The following XKR9 variants were observed in gnomAD, a reference collection of about 807,000 sequenced individuals.
The protein encoded by XKR9 is XK related 9.
XKR9 carries 32 observed loss-of-function variants against 32.0 expected under a neutral mutation model. That is an observed-to-expected ratio of 1.00 (90% CI 0.76 to 1.34). The LOEUF (loss-of-function observed/expected upper bound fraction) is 1.34, where lower values mean the gene tolerates loss of function less well. Among genes scored for constraint, XKR9 ranks in the 40% most tolerant of loss-of-function variants. The probability of loss-of-function intolerance (pLI) is 0.00; values close to 1 mark genes in which losing one functional copy is unlikely to be tolerated. For synonymous variants in XKR9, 168 were observed against 143.4 expected, an observed-to-expected ratio of 1.17 and a Z score of -1.22; for missense variants, 546 against 429.7, an observed-to-expected ratio of 1.27 and a Z score of -2.39.
At chr8:71,013,017 C>T in the XKR9 span, among the ~76,000 whole-genome samples, 1 of 152,174 alleles carries the variant, frequency 6.6e-6, no homozygotes, top group East Asian at 1.9e-4. Flanking sequence ...ACCCCACCCT[C>T]CTCTTTGGGA....
At chr8:70,776,227 TAC>T (rs1807518441) in intron 2 of XKR9, among the ~76,000 whole-genome samples, 1 of 152,180 alleles carries the variant, frequency 6.6e-6, no homozygotes, top group Non-Finnish European at 1.5e-5. Context: ...TTAATTCTAA[TAC>T]AGTTTCTTTA....
the XKR9 span, among the ~76,000 whole-genome samples, chr8:70,881,245 C>T: frequency 6.6e-6 from 1 of 152,116 alleles, no homozygotes; most frequent in East Asian, 1.9e-4. Context: ...AAAGTAATGT[C>T]AACAAAAGCC....
the XKR9 span, among the ~76,000 whole-genome samples, chr8:70,814,999 T>C: frequency 6.6e-6 from 1 of 152,290 alleles, no homozygotes; most frequent in Admixed American, 6.5e-5. Context: ...TTACAATAGC[T>C]ACAAAAGATA....
chr8:70,671,074 C>T (rs1818699814), intron 1 of XKR9, among the ~76,000 whole-genome samples: 2 of 152,130 alleles, frequency 1.3e-5, no homozygotes, highest in African/African-American at 4.8e-5. Context: ...GGCTTTCACC[C>T]GGGCTGCAGT....
chr8:70,927,326 C>CGGGCAGCTAAG, the XKR9 span, among the ~76,000 whole-genome samples: 1 of 152,008 alleles, frequency 6.6e-6, no homozygotes, highest in African/African-American at 2.4e-5. Context: ...CTTTGGATGC[C>CGGGCAGCTAAG]GGGCAGCTAA....
the XKR9 span, among the ~76,000 whole-genome samples, chr8:70,926,798 C>T: frequency 6.6e-6 from 1 of 152,136 alleles, no homozygotes; most frequent in Admixed American, 6.5e-5. Flanking sequence ...AAATTTAGGA[C>T]AGCAGCATGA....
the XKR9 span, among the ~76,000 whole-genome samples, chr8:71,060,175 C>T: frequency 6.6e-6 from 1 of 152,186 alleles, no homozygotes; most frequent in Non-Finnish European, 1.5e-5. Flanking sequence ...TCCAGTTTTT[C>T]CAAATCTAAA....
chr8:70,884,794 T>C, the XKR9 span, among the ~76,000 whole-genome samples: 5 of 152,198 alleles, frequency 3.3e-5, no homozygotes, highest in African/African-American at 1.2e-4. Flanking sequence ...TGTAGCTTTA[T>C]AGTAAGTCTT....
At chr8:70,846,459 G>T in the XKR9 span, among the ~76,000 whole-genome samples, 1 of 151,864 alleles carries the variant, frequency 6.6e-6, no homozygotes, top group African/African-American at 2.4e-5. Context: ...AACAACAAGA[G>T]AAAGAAAGGA....
chr8:70,827,648 T>C, the XKR9 span, among the ~76,000 whole-genome samples: 1 of 152,318 alleles, frequency 6.6e-6, no homozygotes, highest in African/African-American at 2.4e-5. Context: ...GAGAAGTTCA[T>C]TCCTTGGCAC....
At chr8:71,055,291 C>A in the XKR9 span, among the ~76,000 whole-genome samples, 2 of 152,126 alleles carry the variant, frequency 1.3e-5, no homozygotes, top group South Asian at 2.1e-4. Flanking sequence ...AGTATAGGAT[C>A]ATTGGTTGAA....
the XKR9 span, among the ~76,000 whole-genome samples, chr8:70,837,202 G>A: frequency 2.6e-5 from 4 of 152,146 alleles, no homozygotes; most frequent in South Asian, 6.2e-4. Context: ...TAGACTGTGA[G>A]CTTCTTGAAT....
chr8:70,760,816 A>G (rs541082919), intron 2 of XKR9, among the ~76,000 whole-genome samples: 80 of 152,286 alleles, frequency 5.3e-4, no homozygotes, highest in African/African-American at 1.8e-3. Context: ...TCATCCAGGT[A>G]TTAAGCCTAG....
At chr8:71,019,270 A>G in the XKR9 span, among the ~76,000 whole-genome samples, 6 of 152,316 alleles carry the variant, frequency 3.9e-5, no homozygotes, top group African/African-American at 1.4e-4. Context: ...AGTCCTTGGA[A>G]ATGATTTAGC....
chr8:70,677,840 C>G (rs1214285702), intron 2 of XKR9, among the ~76,000 whole-genome samples: 2 of 152,102 alleles, frequency 1.3e-5, no homozygotes, highest in African/African-American at 4.8e-5. Flanking sequence ...TAGTAAACAC[C>G]TAGCAGTAGT....
At chr8:70,786,047 G>C (rs764458408) in intron 2 of XKR9, among the ~76,000 whole-genome samples, 3 of 151,876 alleles carry the variant, frequency 2.0e-5, no homozygotes, top group Non-Finnish European at 2.9e-5. Flanking sequence ...GGTTGTTCAG[G>C]ACCATGTTGT....
chr8:70,895,202 G>C, the XKR9 span, among the ~76,000 whole-genome samples: 1 of 152,078 alleles, frequency 6.6e-6, no homozygotes, highest in East Asian at 1.9e-4. Context: ...GTTTCCAGCT[G>C]ATCCCATTTG....
chr8:70,880,737 C>G, the XKR9 span, among the ~76,000 whole-genome samples: 1 of 152,164 alleles, frequency 6.6e-6, no homozygotes, highest in Non-Finnish European at 1.5e-5. Context: ...CATCAAGCTA[C>G]CAATGACTTT....
At chr8:70,724,023 G>A in intron 4 of XKR9, among the ~76,000 whole-genome samples, 1 of 151,984 alleles carries the variant, frequency 6.6e-6, no homozygotes, top group Admixed American at 6.6e-5. Flanking sequence ...CCAGGGAGAT[G>A]GGAATTTTAT....
Sources: allele counts gnomAD v4.1 joint callset (sites outside exome capture counted in the v4.1 genomes callset), GRCh38; gene constraint gnomAD v4.1.1; transcripts MANE v1.5; gene names NCBI Gene and HGNC (gene_info 2026-07-23, HGNC 2026-07-21).